PRKCH: variants seen among roughly 807,000 people sequenced by gnomAD.
PRKCH encodes the protein protein kinase C eta, also known as protein kinase C eta type.
In PRKCH, 28 loss-of-function variants were observed where a neutral mutation model predicts 82.5. The ratio of observed to expected loss-of-function variants is 0.34; its 90% CI spans 0.25 to 0.47. The LOEUF is 0.47. Among genes scored for constraint, PRKCH ranks in the 20% least tolerant of loss-of-function variants. The pLI is 1.00. For missense variants in PRKCH, 705 were observed against 881.8 expected (o/e 0.80, Z 2.54); for synonymous variants, 322 against 327.4 (o/e 0.98, Z 0.18).
At chr14:61,466,518 A>AG (rs916870848) in intron 9 of PRKCH, among the ~76,000 whole-genome samples, 7 of 151,836 alleles carry the variant, frequency 4.6e-5, no homozygotes, top group South Asian at 2.1e-4. Context: ...TGAGGGATGG[A>AG]GGGGGGCTAT....
chr14:61,195,860 C>G lies in PRKCH; in HGVS notation c.-19+8192C>G, dbSNP rs182756989. Among the ~76,000 whole-genome samples the G allele has an allele frequency of 5.9e-5, 9 of 152,172 alleles. No individual in the cohort carries two copies. In the East Asian group the frequency reaches 1.7e-3, roughly 29 times the overall value. On this transcript the variant is annotated intron_variant, in intron 1 of 3. Transcript: ENST00000555185. Reference sequence around the variant, plus strand: ...GACACTAATCCTATAGGATCAAGGCCCCACCCTTACGACCATATTTAATCT... The same window carrying G: ...GACACTAATCCTATAGGATCAAGGCGCCACCCTTACGACCATATTTAATCT...
chr14:61,485,831 G>T (rs1886194811), intron 10 of PRKCH, among the ~76,000 whole-genome samples, 175 bp downstream of exon 10: 1 of 152,148 alleles, frequency 6.6e-6, no homozygotes, highest in African/African-American at 2.4e-5. Flanking sequence ...GCCCGGGCTG[G>T]AGTGCAGTGG....
At chr14:61,309,978 C>T (rs868800704) in intron 1 of PRKCH, among the ~76,000 whole-genome samples, 10 of 151,972 alleles carry the variant, frequency 6.6e-5, no homozygotes, top group African/African-American at 2.2e-4. Flanking sequence ...CTTATAAAAC[C>T]ATCAGATCTC....
At chr14:61,502,105 C>T (rs1488662722) in intron 10 of PRKCH, among the ~76,000 whole-genome samples, 2 of 131,704 alleles carry the variant, frequency 1.5e-5, no homozygotes, top group Non-Finnish European at 3.1e-5. Context: ...CTCACTCTCA[C>T]TCAGGCAGGA....
At chr14:61,529,455 C>G (rs902704767) in intron 11 of PRKCH, among the ~76,000 whole-genome samples, 1 of 151,800 alleles carries the variant, frequency 6.6e-6, no homozygotes, top group East Asian at 1.9e-4. Flanking sequence ...CACATGCACA[C>G]GTATGTTTAT....
In PRKCH at chr14:61,280,013, T is replaced by G; in HGVS notation, c.-19+92345T>G. The stretch of plus-strand genomic sequence containing the variant: ...AAAGCTAGGCGAGGTTGGAATTGGG[T>G]GACGGGCGAGGAGGAGATGCCAAAA... On this transcript the variant is annotated intron_variant, in intron 1 of 3. Coordinates refer to the PRKCH transcript ENST00000555185. The surrounding 1 kb of genome is among the most constrained non-coding windows in gnomAD (Gnocchi z 5.0). 2 of 1,272,108 alleles carry G rather than the reference T, an allele frequency of 1.6e-6. No individual in the cohort carries two copies. Among genetic ancestry groups the G allele is most frequent in the Middle Eastern group, 5.2e-4 (2 of 3,848 alleles). The allele number at this position is 1,272,108 out of a possible 1,614,324, so 78.8% of individuals were successfully genotyped here.
At chr14:61,481,413 T>G (rs1300273091) in intron 9 of PRKCH, among the ~76,000 whole-genome samples, 1 of 152,158 alleles carries the variant, frequency 6.6e-6, no homozygotes, top group East Asian at 1.9e-4. Context: ...TTATGGGACA[T>G]GGGTGGTTAC....
intron 1 of PRKCH, among the ~76,000 whole-genome samples, chr14:61,332,394 A>G (rs758869725): frequency 1.3e-4 from 20 of 152,250 alleles, no homozygotes; most frequent in Non-Finnish European, 2.5e-4. Context: ...TTAGAGCAGT[A>G]TCTGTCAAAG....
At chr14:61,510,009 T>C (rs1436628043) in intron 10 of PRKCH, among the ~76,000 whole-genome samples, 1 of 152,120 alleles carries the variant, frequency 6.6e-6, no homozygotes, top group East Asian at 1.9e-4. Context: ...ATATGCAAGT[T>C]TTCCATTAAC....
At chr14:61,395,297 C>CA (rs1555383093) in intron 2 of PRKCH, among the ~76,000 whole-genome samples, 4 of 147,090 alleles carry the variant, frequency 2.7e-5, no homozygotes, top group African/African-American at 9.9e-5. Flanking sequence ...GGAGCCCCCC[C>CA]CCGCATTTGC....
At chr14:61,335,397 T>C (rs1166802541) in intron 1 of PRKCH, among the ~76,000 whole-genome samples, 1 of 152,202 alleles carries the variant, frequency 6.6e-6, no homozygotes, top group Non-Finnish European at 1.5e-5. Flanking sequence ...TAAATATTAA[T>C]GGAAAGTTTC....
chr14:61,196,155 T>C (rs1467867278), intron 1 of PRKCH, among the ~76,000 whole-genome samples: 1 of 152,130 alleles, frequency 6.6e-6, no homozygotes, highest in South Asian at 2.1e-4. Context: ...AAGCATAACA[T>C]TGGATCCTGG....
intron 1 of PRKCH, among the ~76,000 whole-genome samples, chr14:61,243,147 C>A (rs2044853940): frequency 6.6e-6 from 1 of 151,960 alleles, no homozygotes; most frequent in African/African-American, 2.4e-5. Flanking sequence ...GTAATCTCAG[C>A]ACTTTGGGAG....
At chr14:61,412,025 A>G (rs1882294290) in intron 2 of PRKCH, among the ~76,000 whole-genome samples, 4 of 152,212 alleles carry the variant, frequency 2.6e-5, no homozygotes, top group Admixed American at 6.5e-5. Context: ...TTAAATCTAA[A>G]AAGCAAGATC....
intron 2 of PRKCH, among the ~76,000 whole-genome samples, chr14:61,426,968 G>A (rs1190606268): frequency 1.3e-5 from 2 of 152,194 alleles, no homozygotes; most frequent in Non-Finnish European, 2.9e-5. Context: ...ATTTGAAGAG[G>A]TTTATTCTGA....
chr14:61,433,235 C>G (rs535803206), intron 2 of PRKCH, among the ~76,000 whole-genome samples: 1 of 152,166 alleles, frequency 6.6e-6, no homozygotes, highest in South Asian at 2.1e-4. Context: ...TTTCTCTCCA[C>G]CATGCACTTG....
chr14:61,227,088 A>C (rs1025523643), intron 1 of PRKCH, among the ~76,000 whole-genome samples: 4 of 152,242 alleles, frequency 2.6e-5, no homozygotes, highest in African/African-American at 4.8e-5. Flanking sequence ...ATAAGAGGAC[A>C]AGTGATTTAT....
rs1177209836 is a variant in PRKCH at position 61,443,273 on chromosome 14, CCTTA to C, written c.578+16_578+19del. 1.9e-6 allele frequency: 3 copies of C among 1,611,560 alleles called. No individual in the cohort carries two copies. Among genetic ancestry groups the C allele is most frequent in the Non-Finnish European group, 2.5e-6 (3 of 1,178,556 alleles). On this transcript the variant is annotated intron_variant, in intron 3 of 13. Transcript: ENST00000332981. ...AGGGAGTTTATCTGGTAAGGGGTTC[CCTTA>C]CTTCTGTCCTCCTCAGAGCTTCCAT...
At chr14:61,284,705 C>G (rs1343098295) in intron 1 of PRKCH, among the ~76,000 whole-genome samples, 1 of 152,008 alleles carries the variant, frequency 6.6e-6, no homozygotes, top group African/African-American at 2.4e-5. Context: ...CTCTTTAGTA[C>G]CAGTAAAATA....
Sources: allele counts gnomAD v4.1 joint callset (sites outside exome capture counted in the v4.1 genomes callset), GRCh38; gene constraint gnomAD v4.1.1; non-coding constraint Gnocchi (gnomAD v3.1); transcripts MANE v1.5; gene names NCBI Gene and HGNC (gene_info 2026-07-23, HGNC 2026-07-21).